Variants in PREX2 observed in about 807,000 individuals in gnomAD.
The protein encoded by PREX2 is phosphatidylinositol 3,4,5-trisphosphate-dependent Rac exchanger 2 protein.
In PREX2, 107 loss-of-function variants were observed where a neutral mutation model predicts 203.2. The observed-to-expected ratio is 0.53, with a 90% confidence interval of 0.45 to 0.62. PREX2 has a LOEUF of 0.62. PREX2 is among the 20% of genes least tolerant of loss of function. The pLI, the probability that PREX2 is intolerant of heterozygous loss-of-function variation, is 0.00. For synonymous variants in PREX2, 672 were observed against 663.6 expected, an observed-to-expected ratio of 1.01 and a Z score of -0.19; for missense variants, 1,777 against 1,955.9, an observed-to-expected ratio of 0.91 and a Z score of 1.72.
intron 18 of PREX2, 102 bp downstream of exon 18, chr8:68,083,490 T>C: frequency 1.2e-6 from 1 of 856,166 alleles, no homozygotes; most frequent in South Asian, 2.3e-5. Flanking sequence ...ATCTCATTGC[T>C]TGGAACGCTT....
intron 1 of PREX2, among the ~76,000 whole-genome samples, chr8:68,001,522 G>A (rs1806937087): frequency 6.6e-6 from 1 of 152,156 alleles, no homozygotes; most frequent in South Asian, 2.1e-4. Flanking sequence ...CAACCCTTAT[G>A]AAAAGCAGTG....
At chr8:68,107,603 C>T (rs933274115) in intron 23 of PREX2, among the ~76,000 whole-genome samples, 5 of 152,216 alleles carry the variant, frequency 3.3e-5, no homozygotes, top group Admixed American at 2.0e-4. Context: ...TGGGCCTCAG[C>T]CTCCACACCC....
At chr8:68,093,390 C>CAAAAAAAAAAA (rs56001927) in intron 20 of PREX2, among the ~76,000 whole-genome samples, 1 of 81,490 alleles carries the variant, frequency 1.2e-5, no homozygotes, top group Admixed American at 1.4e-4. Flanking sequence ...AACTCCATCT[C>CAAAAAAAAAAA]AAAAAAAAAA....
intron 24 of PREX2, among the ~76,000 whole-genome samples, chr8:68,109,215 A>T (rs1218056155): frequency 6.6e-6 from 1 of 152,194 alleles, no homozygotes; most frequent in East Asian, 1.9e-4. Context: ...CACCAACATG[A>T]TAACTATGTG....
chr8:68,139,838 G>A (rs1221854939), intron 33 of PREX2, among the ~76,000 whole-genome samples: 2 of 152,212 alleles, frequency 1.3e-5, no homozygotes, highest in African/African-American at 4.8e-5. Context: ...TTTTCTGGCA[G>A]AGGGTATTTG....
chr8:68,183,537 T>A (rs1812130082), intron 35 of PREX2, among the ~76,000 whole-genome samples: 3 of 152,206 alleles, frequency 2.0e-5, no homozygotes, highest in East Asian at 3.9e-4. Flanking sequence ...CATTCGAAAA[T>A]ATGTGTATAT....
chr8:68,102,912 C>G, intron 23 of PREX2: 1 of 517,944 alleles, frequency 1.9e-6, no homozygotes, highest in South Asian at 1.4e-5. Flanking sequence ...CTCTGTGGAG[C>G]AGGATTTGGG....
chr8:68,053,152 A>G lies in PREX2; in HGVS notation c.999A>G (p.Thr333=), dbSNP rs1808570772. ...IVVNGWKIHN[T]AKNKWFVCMA... ...TTAATGGATGGAAGATACATAACACAGCAAAAAATAAATGGTTTGTTTGTA... is the reference window on the plus strand; with the variant it reads ...TTAATGGATGGAAGATACATAACACGGCAAAAAATAAATGGTTTGTTTGTA... Residue 333 remains threonine, a synonymous_variant, in exon 9 of 40, where the codon ACA becomes ACG. Transcript: ENST00000288368. The G allele has an allele frequency of 6.2e-7, 1 of 1,613,668 alleles. No individual in the cohort carries two copies. The highest frequency in any genetic ancestry group is 8.5e-7 in the Non-Finnish European group (1 of 1,179,692).
At chr8:68,065,052 C>A (rs953274115) in intron 11 of PREX2, among the ~76,000 whole-genome samples, 1 of 152,158 alleles carries the variant, frequency 6.6e-6, no homozygotes, top group Admixed American at 6.5e-5. Context: ...GTTTATACAC[C>A]CATTTTCCAT....
At chr8:67,990,049 C>T (rs1179517036) in intron 1 of PREX2, among the ~76,000 whole-genome samples, 2 of 151,724 alleles carry the variant, frequency 1.3e-5, no homozygotes, top group African/African-American at 2.4e-5. Context: ...GCAGTGGCAC[C>T]ATCTTGGCTC....
intron 33 of PREX2, among the ~76,000 whole-genome samples, chr8:68,142,663 TC>T (rs375411299): frequency 8.1e-4 from 124 of 152,282 alleles, no homozygotes; most frequent in African/African-American, 2.6e-3. Flanking sequence ...GATTCCTGGA[TC>T]GTATGTTAAG....
At chr8:68,147,574 T>C (rs1811353551) in intron 34 of PREX2, among the ~76,000 whole-genome samples, 1 of 152,210 alleles carries the variant, frequency 6.6e-6, no homozygotes, top group Non-Finnish European at 1.5e-5. Context: ...TCCCCAGCCA[T>C]GGGGAACTGT....
At chr8:68,214,248 A>C (rs775163883) in intron 37 of PREX2, among the ~76,000 whole-genome samples, 1 of 152,020 alleles carries the variant, frequency 6.6e-6, no homozygotes. Context: ...AAAAATACAA[A>C]AGTTGGCTGC....
At chr8:68,107,834 C>T (rs958076604) in intron 23 of PREX2, among the ~76,000 whole-genome samples, 1 of 152,208 alleles carries the variant, frequency 6.6e-6, no homozygotes, top group Non-Finnish European at 1.5e-5. Context: ...GTATATTGTG[C>T]TGGCCACAGA....
chr8:67,952,584 C>G (rs766262729), intron 1 of PREX2, 49 bp downstream of exon 1: 1 of 1,583,098 alleles, frequency 6.3e-7, no homozygotes, highest in Admixed American at 1.8e-5. Flanking sequence ...GCGCGGGGCG[C>G]GGGTCCCGGA....
At chr8:67,961,985 A>T (rs1264926658) in intron 1 of PREX2, among the ~76,000 whole-genome samples, 1 of 152,212 alleles carries the variant, frequency 6.6e-6, no homozygotes, top group Admixed American at 6.5e-5. Flanking sequence ...TAAATTTAGA[A>T]TACTGATATA....
At chr8:68,007,841 C>T (rs566902544) in intron 1 of PREX2, among the ~76,000 whole-genome samples, 2 of 152,310 alleles carry the variant, frequency 1.3e-5, no homozygotes, top group South Asian at 4.1e-4. Context: ...GATCTCCTGA[C>T]CTCATGATCC....
At chr8:68,039,677 C>A (rs944653258) in intron 7 of PREX2, among the ~76,000 whole-genome samples, 1 of 152,162 alleles carries the variant, frequency 6.6e-6, no homozygotes, top group Non-Finnish European at 1.5e-5. Context: ...CCTCTCCCAG[C>A]TTTCCCTTTC....
chr8:68,046,324 A>G (rs1055252738), intron 8 of PREX2, among the ~76,000 whole-genome samples: 3 of 152,010 alleles, frequency 2.0e-5, no homozygotes, highest in Non-Finnish European at 1.5e-5. Context: ...GCAGCTGGAG[A>G]ACTAGATAAA....
Sources: gnomAD v4.1 joint callset for allele counts (sites outside exome capture counted in the v4.1 genomes callset) on GRCh38, gnomAD v4.1.1 for gene constraint, MANE v1.5 for transcripts, NCBI Gene and HGNC (gene_info 2026-07-23, HGNC 2026-07-21) for gene names.